ADAMTS17: variants seen among roughly 807,000 people sequenced by gnomAD.
The protein encoded by ADAMTS17 is ADAM metallopeptidase with thrombospondin type 1 motif 17, also known as A disintegrin and metalloproteinase with thrombospondin motifs 17.
Under a neutral mutation model 141.5 loss-of-function variants are expected in ADAMTS17, and 113 were observed. The observed-to-expected ratio is 0.80, with a 90% CI of 0.69 to 0.93. ADAMTS17 has a LOEUF of 0.93. Ranked by LOEUF, ADAMTS17 falls within the 40% of genes least tolerant of loss-of-function variation. The probability of loss-of-function intolerance (pLI) is 0.00; values close to 1 mark genes in which losing one functional copy is unlikely to be tolerated. For synonymous variants in ADAMTS17, 768 were observed against 630.6 expected, an observed-to-expected ratio of 1.22 and a Z score of -3.27; for missense variants, 1,659 against 1,517.9, an observed-to-expected ratio of 1.09 and a Z score of -1.54.
chr15:100,281,352 C>T lies in ADAMTS17; in HGVS notation c.666G>A (p.Arg222=), dbSNP rs1397721812. The T allele has an allele frequency of 6.2e-7, 1 of 1,610,540 alleles. No individual in the cohort carries two copies. Among genetic ancestry groups the T allele is most frequent in the Admixed American group, 1.7e-5 (1 of 59,998 alleles). The part of the protein sequence containing the change: ...WGRPSRDWRE[R]RNAIRLTSEH... ...CGCTGGTGAGCCGGATAGCGTTCCT[C>T]CGCTCCCGCCAGTCCCGCGAAGGCC... The change falls in exon 4 of 22, where the codon CGG becomes CGA. Residue 222 remains arginine (R), a synonymous_variant. Transcript: ENST00000268070.
intron 8 of ADAMTS17, among the ~76,000 whole-genome samples, chr15:100,191,859 C>T (rs2141593752): frequency 6.6e-6 from 1 of 152,072 alleles, no homozygotes; most frequent in East Asian, 1.9e-4. Context: ...GTGGGTCCTC[C>T]ACAGTCGCAA....
intron 20 of ADAMTS17, among the ~76,000 whole-genome samples, chr15:99,988,105 A>G (rs28461386): frequency 0.043 from 6,603 of 152,044 alleles, 486 homozygotes; most frequent in African/African-American, 0.15. Flanking sequence ...GGTGCACACA[A>G]TGGGATGCCA....
At chr15:100,088,394 G>A (rs1487887903) in intron 15 of ADAMTS17, among the ~76,000 whole-genome samples, 6 of 152,166 alleles carry the variant, frequency 3.9e-5, no homozygotes, top group Non-Finnish European at 5.9e-5. Context: ...AATCAATATT[G>A]TGAAAATGGC....
intron 15 of ADAMTS17, among the ~76,000 whole-genome samples, chr15:100,082,940 A>C (rs541193223): frequency 6.6e-6 from 1 of 152,182 alleles, no homozygotes; most frequent in Admixed American, 6.5e-5. Flanking sequence ...TGGCAACCAA[A>C]ATACCAGAAT....
chr15:100,128,950 AG>A (rs1427951363), intron 12 of ADAMTS17: 3 of 152,266 alleles, frequency 2.0e-5, no homozygotes, highest in Admixed American at 6.5e-5. Context: ...GGGAAGCCCT[AG>A]CTAATGTCAT....
chr15:100,299,560 G>A (rs776951781), intron 3 of ADAMTS17, among the ~76,000 whole-genome samples: 11 of 150,776 alleles, frequency 7.3e-5, no homozygotes, highest in African/African-American at 1.9e-4. Flanking sequence ...CTTGGGGGAA[G>A]AAATTAATTA....
At chr15:100,307,393 G>A (rs2045261917) in intron 3 of ADAMTS17, among the ~76,000 whole-genome samples, 1 of 152,168 alleles carries the variant, frequency 6.6e-6, no homozygotes, top group African/African-American at 2.4e-5. Flanking sequence ...GGAAAGACCT[G>A]CCTGAGACTT....
At position 100,019,742 on chromosome 15, in the gene ADAMTS17, C is replaced by G. The variant is rs1423763740; in HGVS notation, c.2592-22153G>C. 3.3e-5 allele frequency among the ~76,000 whole-genome samples: 5 copies of G among 152,352 alleles called. No individual in the cohort carries two copies. The East Asian group carries it at 5.8e-4, about 18-fold the overall frequency. Reference sequence around the variant, plus strand: ...GCCTGTGTGGGCCAAGCTACGTCTGCTGTGGAATTTGGCCCTGTGGCCTCT... The same window carrying G: ...GCCTGTGTGGGCCAAGCTACGTCTGGTGTGGAATTTGGCCCTGTGGCCTCT... On this transcript the variant is annotated intron_variant, in intron 18 of 21. Coordinates refer to ENST00000268070, the MANE Select transcript of ADAMTS17 (RefSeq NM_139057.4).
At chr15:100,260,551 T>C (rs1461548906) in intron 6 of ADAMTS17, among the ~76,000 whole-genome samples, 1 of 151,364 alleles carries the variant, frequency 6.6e-6, no homozygotes, top group Non-Finnish European at 1.5e-5. Context: ...GACGCAGAGG[T>C]TGCAGTGAGC....
At chr15:100,100,564 C>A (rs1017714473) in intron 14 of ADAMTS17, among the ~76,000 whole-genome samples, 10 of 152,182 alleles carry the variant, frequency 6.6e-5, no homozygotes, top group African/African-American at 2.4e-4. Context: ...CCTGAAACCT[C>A]CAAGCCATTT....
intron 7 of ADAMTS17, 92 bp from the exon 8 acceptor site, chr15:100,199,515 A>G: frequency 9.6e-7 from 1 of 1,042,476 alleles, no homozygotes; most frequent in Non-Finnish European, 1.5e-6. Context: ...ATGCACAATC[A>G]AGGCAGGCAC....
At chr15:99,984,416 T>A (rs1596154646) in intron 20 of ADAMTS17, among the ~76,000 whole-genome samples, 1 of 152,298 alleles carries the variant, frequency 6.6e-6, no homozygotes, top group African/African-American at 2.4e-5. Flanking sequence ...GAACGCACCA[T>A]TTATGGGGAC....
intron 3 of ADAMTS17, among the ~76,000 whole-genome samples, chr15:100,294,138 C>A (rs1227141608): frequency 6.6e-6 from 1 of 152,182 alleles, no homozygotes; most frequent in Non-Finnish European, 1.5e-5. Flanking sequence ...ACAACACAAC[C>A]AAATCATGCC....
intron 2 of ADAMTS17, among the ~76,000 whole-genome samples, chr15:100,331,605 C>G (rs1397642740): frequency 1.3e-5 from 2 of 152,152 alleles, no homozygotes; most frequent in Non-Finnish European, 2.9e-5. Context: ...CGAACCCAGG[C>G]AGGGCCAGGG....
intron 21 of ADAMTS17, among the ~76,000 whole-genome samples, chr15:99,975,804 G>T (rs1434409078): frequency 6.6e-6 from 1 of 152,228 alleles, no homozygotes; most frequent in African/African-American, 2.4e-5. Flanking sequence ...GTTGGGCAAA[G>T]GGGTGAGGGA....
rs775004866 is a variant in ADAMTS17 at position 100,132,137 on chromosome 15, C to T, written c.1591G>A (p.Glu531Lys). The T allele has an allele frequency of 1.9e-6, 3 of 1,613,676 alleles. No homozygotes were observed. The highest frequency in any genetic ancestry group is 2.2e-5 in the South Asian group (2 of 91,006). The change falls in exon 12 of 22, where the codon GAG becomes AAG. Residue 531 changes from glutamate (E) to lysine (K), a missense_variant. By Grantham distance (56) the Glu-to-Lys change is moderately conservative. Coordinates refer to ENST00000268070, the MANE Select transcript of ADAMTS17 (RefSeq NM_139057.4). ...CGADKWCRAG[E>K]CVSKTPIPEH... is the part of the protein sequence containing the mutation. ...GGGATGGGCGTCTTGCTCACGCACT[C>T]CCCCGCGCGGCACCACTGAAACACA... is the stretch of plus-strand genomic sequence containing the variant.
At chr15:100,245,253 G>A (rs539929537) in intron 7 of ADAMTS17, among the ~76,000 whole-genome samples, 2 of 152,210 alleles carry the variant, frequency 1.3e-5, no homozygotes, top group South Asian at 4.1e-4. Flanking sequence ...GAATCCCCTC[G>A]CAGGCAGGGG....
At chr15:100,237,299 GC>G (rs1175912064) in intron 7 of ADAMTS17, among the ~76,000 whole-genome samples, 2 of 152,176 alleles carry the variant, frequency 1.3e-5, no homozygotes. Flanking sequence ...TAAGCCTCAG[GC>G]CCCTGGGCTT....
chr15:100,314,409 A>G (rs551878305), intron 3 of ADAMTS17, among the ~76,000 whole-genome samples: 5 of 152,370 alleles, frequency 3.3e-5, no homozygotes, highest in Admixed American at 1.3e-4. Flanking sequence ...ATAAAGGGAC[A>G]TGATGTCAGC....
Sources: allele counts gnomAD v4.1 joint callset (sites outside exome capture counted in the v4.1 genomes callset), GRCh38; gene constraint gnomAD v4.1.1; transcripts MANE v1.5; gene names NCBI Gene and HGNC (gene_info 2026-07-23, HGNC 2026-07-21).